C9orf85: variants seen among roughly 807,000 people sequenced by gnomAD.
C9orf85 encodes uncharacterized protein C9orf85.
Under a neutral mutation model 14.9 loss-of-function variants are expected in C9orf85, and 16 were observed. The observed-to-expected ratio is 1.08, with a 90% CI of 0.73 to 1.63. C9orf85 has a LOEUF of 1.63. C9orf85 is among the 40% of genes most tolerant of loss of function. The pLI is 0.00. For missense variants in C9orf85, 172 were observed against 186.1 expected (o/e 0.92, Z 0.44); for synonymous variants, 45 against 56.8 (o/e 0.79, Z 0.93).
intron 2 of C9orf85, among the ~76,000 whole-genome samples, chr9:71,963,575 C>T (rs1192722794): frequency 1.3e-5 from 2 of 152,160 alleles, no homozygotes; most frequent in Admixed American, 6.5e-5. Flanking sequence ...CTGCGCGAGG[C>T]GCTTGCGGGC....
intron 2 of C9orf85, among the ~76,000 whole-genome samples, chr9:71,959,354 C>T (rs1822456313): frequency 1.3e-5 from 2 of 152,098 alleles, no homozygotes; most frequent in Non-Finnish European, 2.9e-5. Context: ...TCAGGCTGGT[C>T]TCAAACTCCC....
chr9:71,917,428 C>T (rs1827677600), intron 1 of C9orf85, among the ~76,000 whole-genome samples: 2 of 152,106 alleles, frequency 1.3e-5, no homozygotes, highest in Non-Finnish European at 2.9e-5. Context: ...TTTCTTGGCT[C>T]CTGATTTAGG....
intron 1 of C9orf85, among the ~76,000 whole-genome samples, chr9:71,939,228 G>A (rs1253418607): frequency 6.6e-6 from 1 of 151,696 alleles, no homozygotes; most frequent in Non-Finnish European, 1.5e-5. Context: ...ATTTTCTTAT[G>A]TGTGATTTTC....
intron 2 of C9orf85, among the ~76,000 whole-genome samples, chr9:71,961,793 T>C (rs531409211): frequency 6.6e-6 from 1 of 152,326 alleles, no homozygotes; most frequent in African/African-American, 2.4e-5. Context: ...CTCCAGTTCA[T>C]GCTTTGATTT....
chr9:71,960,065 G>C (rs953416058), intron 2 of C9orf85, among the ~76,000 whole-genome samples: 6 of 152,206 alleles, frequency 3.9e-5, no homozygotes, highest in African/African-American at 1.4e-4. Flanking sequence ...AAAGTGCTAG[G>C]TGTGAGTAAA....
chr9:71,938,417 A>G (rs1828244308), intron 1 of C9orf85, among the ~76,000 whole-genome samples: 1 of 152,088 alleles, frequency 6.6e-6, no homozygotes, highest in South Asian at 2.1e-4. Context: ...TTTTAAAAAT[A>G]TAAGTCAGTT....
chr9:71,919,285 G>A (rs996355444), intron 1 of C9orf85, among the ~76,000 whole-genome samples: 1 of 152,178 alleles, frequency 6.6e-6, no homozygotes, highest in East Asian at 1.9e-4. Context: ...GTAATCCCTG[G>A]TGTGAGGAAT....
intron 1 of C9orf85, among the ~76,000 whole-genome samples, chr9:71,942,487 T>C (rs967312129): frequency 4.6e-5 from 7 of 152,242 alleles, no homozygotes; most frequent in Admixed American, 2.0e-4. Context: ...CTCCTGCCCT[T>C]ACTTTTCTCT....
At chr9:71,933,951 C>T (rs1403939066) in intron 1 of C9orf85, among the ~76,000 whole-genome samples, 1 of 152,172 alleles carries the variant, frequency 6.6e-6, no homozygotes, top group African/African-American at 2.4e-5. Flanking sequence ...CACCTATGAC[C>T]TGTGTGCTCC....
intron 1 of C9orf85, among the ~76,000 whole-genome samples, chr9:71,921,925 T>TATTATTA (rs1488058699): frequency 0.019 from 167 of 8,882 alleles, no homozygotes; most frequent in African/African-American, 0.033. Context: ...TTTTTATTTT[T>TATTATTA]TTTTTATTAT....
At chr9:71,933,952 T>G (rs1283602176) in intron 1 of C9orf85, among the ~76,000 whole-genome samples, 2 of 152,324 alleles carry the variant, frequency 1.3e-5, no homozygotes, top group East Asian at 3.9e-4. Flanking sequence ...ACCTATGACC[T>G]GTGTGCTCCC....
At chr9:71,981,936 T>G (rs1027726598) in intron 3 of C9orf85, among the ~76,000 whole-genome samples, 2 of 152,200 alleles carry the variant, frequency 1.3e-5, no homozygotes, top group African/African-American at 2.4e-5. Flanking sequence ...TCACCAATTT[T>G]AAGTGTATAA....
chr9:71,924,924 T>C (rs1382457051), intron 1 of C9orf85, among the ~76,000 whole-genome samples: 1 of 152,224 alleles, frequency 6.6e-6, no homozygotes, highest in Non-Finnish European at 1.5e-5. Flanking sequence ...TTGTCATCTA[T>C]TATTGATATA....
At chr9:71,948,302 A>G (rs919344765) in intron 2 of C9orf85, among the ~76,000 whole-genome samples, 1 of 152,144 alleles carries the variant, frequency 6.6e-6, no homozygotes, top group African/African-American at 2.4e-5. Context: ...ACCTTTGTTT[A>G]TATCTACTAA....
intron 2 of C9orf85, among the ~76,000 whole-genome samples, chr9:71,953,257 A>G (rs1822295145): frequency 6.6e-6 from 1 of 152,198 alleles, no homozygotes; most frequent in Non-Finnish European, 1.5e-5. Flanking sequence ...AACATCCTGT[A>G]TCTTAGTTCA....
downstream of C9orf85, among the ~76,000 whole-genome samples, chr9:71,976,847 C>G (rs1212637704): frequency 6.6e-6 from 1 of 151,950 alleles, no homozygotes; most frequent in African/African-American, 2.4e-5. Flanking sequence ...AATATAGTAC[C>G]CCCGTTGTCC....
In C9orf85 at chr9:71,930,803, CAAAAA is replaced by C. The variant is rs747596247; in HGVS notation, c.103-16183_103-16179del. 1.8e-4 allele frequency among the ~76,000 whole-genome samples: 11 copies of C among 61,020 alleles called. No individual in the cohort carries two copies. In the East Asian group the frequency reaches 4.4e-3, roughly 24 times the overall value. The allele number at this position is 61,020 out of a possible 152,430, so 40.0% of individuals were successfully genotyped here. A position where few individuals can be genotyped will look rare whatever the true frequency, so the allele number is the denominator to read the frequency against. On this transcript the variant is annotated intron_variant, in intron 1 of 3. Coordinates refer to ENST00000334731, the MANE Select transcript of C9orf85 (RefSeq NM_182505.5). ...TGGGTGACAGAGCAAGACCCTGTCT[CAAAAA>C]AAAAAAAAAAAAAAAAAAAGACACA...
chr9:71,963,739 G>A (rs1218344459), intron 2 of C9orf85, among the ~76,000 whole-genome samples: 1 of 152,214 alleles, frequency 6.6e-6, no homozygotes, highest in African/African-American at 2.4e-5. Context: ...CACTGGCGCT[G>A]CGCTTGATTT....
At position 71,911,830 on chromosome 9, in the gene C9orf85, G is replaced by T; in HGVS notation, c.96G>T (p.Gln32His). Reference sequence around the variant, plus strand: ...ATGACAAGTTCGATAAAAGTGTGCAGACCAAGGTAGGAACCTGCCTGTTGC... The same window carrying T: ...ATGACAAGTTCGATAAAAGTGTGCATACCAAGGTAGGAACCTGCCTGTTGC... Reference protein sequence around the residue: ...FKNDKFDKSVQTKKINAKLHD... With the variant: ...FKNDKFDKSVHTKKINAKLHD... The change falls in exon 1 of 4, where the codon CAG (glutamine) becomes CAT (histidine). Residue 32 changes from glutamine to histidine, a missense_variant. Transcript: ENST00000334731. 6.2e-7 allele frequency: 1 copy of T among 1,613,960 alleles called. No individual in the cohort carries two copies. Among genetic ancestry groups the T allele is most frequent in the South Asian group, 1.1e-5 (1 of 91,054 alleles).
Sources: allele counts gnomAD v4.1 joint callset (sites outside exome capture counted in the v4.1 genomes callset), GRCh38; gene constraint gnomAD v4.1.1; transcripts MANE v1.5; gene names NCBI Gene and HGNC (gene_info 2026-07-23, HGNC 2026-07-21).